ZNF484: variants seen among roughly 807,000 people sequenced by gnomAD.
ZNF484 encodes zinc finger protein 484, also known as KRAB box containing C2H2 type zinc finger bA526D8.4.
A neutral mutation model predicts 12.9 loss-of-function variants in ZNF484; 11 were observed. The observed-to-expected ratio is 0.85, with a 90% CI of 0.54 to 1.41. The LOEUF is 1.41. ZNF484 is among the 40% of genes most tolerant of loss of function. The pLI is 0.00. For synonymous variants in ZNF484, 289 were observed against 334.1 expected (o/e 0.86, Z 1.47); for missense variants, 807 against 1,007.7 (o/e 0.80, Z 2.70).
At position 92,875,003 on chromosome 9, in the gene ZNF484, A is replaced by G. The variant is rs764176594; in HGVS notation, c.15+12T>C. 5 of 1,613,790 alleles carry G rather than the reference A, an allele frequency of 3.1e-6. No homozygotes were observed. Among genetic ancestry groups the G allele is most frequent in the Non-Finnish European group, 4.2e-6 (5 of 1,179,886 alleles). ...AAGCAACAAATAAACAGATGAACAA[A>G]TAAGAACTCACCAGGGACTTGGTCA... On this transcript the variant is annotated intron_variant, in intron 2 of 4. Coordinates refer to ENST00000375495, the MANE Select transcript of ZNF484 (RefSeq NM_031486.4).
At chr9:92,863,946 G>A (rs1445359884) in intron 2 of ZNF484, among the ~76,000 whole-genome samples, 1 of 152,218 alleles carries the variant, frequency 6.6e-6, no homozygotes, top group Non-Finnish European at 1.5e-5. Context: ...AAAGTTACCA[G>A]CATTGAAGAA....
In ZNF484 at chr9:92,846,426, G is replaced by C; in HGVS notation, c.2361C>G (p.Ile787Met). 6.2e-7 allele frequency: 1 copy of C among 1,614,142 alleles called. No homozygotes were observed. Among genetic ancestry groups the C allele is most frequent in the African/African-American group, 1.3e-5 (1 of 75,046 alleles). The change falls in exon 5 of 5, where the codon ATC (isoleucine) becomes ATG (methionine). Residue 787 changes from isoleucine (I) to methionine (M), a missense_variant. Transcript: ENST00000375495. ...TCTGGTGTTTAATAAGATTTGATCT[G>C]ATGGTGAAGGCCTTTCCACACTCAG... ...ICAECGKAFT[I>M]RSNLIKHQKI...
intron 2 of ZNF484, among the ~76,000 whole-genome samples, chr9:92,874,498 GA>G (rs1387146850): frequency 6.6e-6 from 1 of 152,026 alleles, no homozygotes; most frequent in Non-Finnish European, 1.5e-5. Flanking sequence ...TTTTAGTGCA[GA>G]CGGGGTTTCA....
intron 2 of ZNF484, among the ~76,000 whole-genome samples, chr9:92,874,317 T>C (rs950117710): frequency 2.2e-4 from 33 of 150,224 alleles, no homozygotes; most frequent in African/African-American, 6.8e-4. Flanking sequence ...TTTCTTTTTT[T>C]TTTTTTTTTT....
At chr9:92,874,799 G>C (rs529453597) in intron 2 of ZNF484, among the ~76,000 whole-genome samples, 2 of 152,292 alleles carry the variant, frequency 1.3e-5, no homozygotes, top group African/African-American at 4.8e-5. Flanking sequence ...CTTTCAGGAA[G>C]ATCAGAGACA....
intron 4 of ZNF484, among the ~76,000 whole-genome samples, chr9:92,853,662 A>G (rs1319095394): frequency 6.6e-6 from 1 of 152,238 alleles, no homozygotes; most frequent in East Asian, 1.9e-4. Context: ...CTAAATGTCC[A>G]TGATAACTTC....
chr9:92,858,085 A>G lies in ZNF484; in HGVS notation c.16-1767T>C, dbSNP rs569128536. On this transcript the variant is annotated intron_variant, in intron 2 of 4. Coordinates refer to ENST00000375495, the MANE Select transcript of ZNF484 (RefSeq NM_031486.4). ...ACAAACAAAAAAATCCTACACATCC[A>G]AAAAGATAGGACCACATATCCAAAA... Among the ~76,000 whole-genome samples the G allele has an allele frequency of 1.6e-4, 24 of 152,348 alleles. No individual in the cohort carries two copies. In the East Asian group the frequency reaches 4.6e-3, roughly 29 times the overall value.
At chr9:92,851,666 A>ACACAT (rs546509684) in intron 4 of ZNF484, among the ~76,000 whole-genome samples, 15 of 152,238 alleles carry the variant, frequency 9.9e-5, no homozygotes, top group Non-Finnish European at 1.8e-4. Context: ...AGGGACTAAC[A>ACACAT]CACATCTTTC....
Position 92,848,805 on chromosome 9 carries a change from G to A in ZNF484, c.236-254C>T, listed in dbSNP as rs901689607. Among the ~76,000 whole-genome samples the A allele has an allele frequency of 5.9e-5, 9 of 151,952 alleles. No individual in the cohort carries two copies. The highest frequency in any genetic ancestry group is 1.2e-4 in the Non-Finnish European group (8 of 67,988). Reference sequence around the variant, plus strand: ...TGCCTGTAATTCCAGCTACTCAAGTGGCTGAGGCAAGAGAATGGCTTGATG... The same window carrying A: ...TGCCTGTAATTCCAGCTACTCAAGTAGCTGAGGCAAGAGAATGGCTTGATG... On this transcript the variant is annotated intron_variant, in intron 4 of 4. Coordinates refer to ENST00000375495, the MANE Select transcript of ZNF484 (RefSeq NM_031486.4). This position sits in a 1 kb window ranked among gnomAD's most constrained non-coding sequence, Gnocchi z 4.1.
rs763793166 is a variant in ZNF484, at chr9:92,846,880, T to C, written c.1907A>G (p.Tyr636Cys). 7 of 1,614,134 alleles carry C rather than the reference T, an allele frequency of 4.3e-6. No individual in the cohort carries two copies. Among genetic ancestry groups the C allele is most frequent in the Non-Finnish European group, 5.9e-6 (7 of 1,180,016 alleles). The stretch of plus-strand genomic sequence containing the variant: ...AGCCTTTCCACATTCAGCACACCTA[T>C]AGGGTTTCTCTCCTGTGTGAATCTG... ...HQQIHTGEKP[Y>C]RCAECGKAFT... The change falls in exon 5 of 5, where the codon TAT becomes TGT. Residue 636 changes from tyrosine (Y) to cysteine (C), a missense_variant. Transcript: ENST00000375495.
In ZNF484 at chr9:92,856,524, T is replaced by G. The variant is rs62572371; in HGVS notation, c.16-206A>C. Among the ~76,000 whole-genome samples the G allele has an allele frequency of 0.17, 25,887 of 152,110 alleles. 2,428 individuals carry two copies. Among genetic ancestry groups the G allele is most frequent in the East Asian group, 0.42 (2,189 of 5,182 alleles). On this transcript the variant is annotated intron_variant, in intron 2 of 4. Transcript: ENST00000375495. ...TAATTTTAAAAATGGGTAAAAAGCT[T>G]AAATAGACATTTCTGCAAGGAAGAT...
rs899646827 is a variant in ZNF484 at position 92,845,522 on chromosome 9, T to C, written c.*706A>G. ...TGGGAAAAAATTTTAGGATTTGATA[T>C]CCATTTTCTTAATTTGTCCTATTTT... On this transcript the variant is annotated 3_prime_UTR_variant, in exon 5 of 5. Coordinates refer to ENST00000375495, the MANE Select transcript of ZNF484 (RefSeq NM_031486.4). The surrounding 1 kb of genome is among the most constrained non-coding windows in gnomAD (Gnocchi z 4.0). The C allele has an allele frequency of 5.9e-5, 9 of 152,204 alleles. No homozygotes were observed. The highest frequency in any genetic ancestry group is 2.2e-4 in the African/African-American group (9 of 41,456). The allele number at this position is 152,204 out of a possible 1,614,324, so 9.4% of individuals were successfully genotyped here. A position where few individuals can be genotyped will look rare whatever the true frequency, so the allele number is the denominator to read the frequency against.
At chr9:92,858,740 G>T (rs1587745230) in intron 2 of ZNF484, among the ~76,000 whole-genome samples, 3 of 151,912 alleles carry the variant, frequency 2.0e-5, no homozygotes, top group East Asian at 1.9e-4. Flanking sequence ...AACAGTAAAA[G>T]AATTATAACA....
intron 2 of ZNF484, among the ~76,000 whole-genome samples, chr9:92,868,477 A>G (rs1857242235): frequency 6.6e-6 from 1 of 152,200 alleles, no homozygotes; most frequent in African/African-American, 2.4e-5. Flanking sequence ...GATTATAGAT[A>G]GCTGTCTTTG....
intron 4 of ZNF484, among the ~76,000 whole-genome samples, chr9:92,851,831 A>G (rs1381581271): frequency 6.6e-6 from 1 of 152,218 alleles, no homozygotes; most frequent in African/African-American, 2.4e-5. Context: ...AGCTAATTTC[A>G]AATTTCACCA....
In ZNF484 at chr9:92,847,179, C is replaced by T. The variant is rs1445416297; in HGVS notation, c.1608G>A (p.Lys536=). Residue 536 remains lysine (K), a synonymous_variant, in exon 5 of 5, where the codon AAG becomes AAA. Coordinates refer to ENST00000375495, the MANE Select transcript of ZNF484 (RefSeq NM_031486.4). Reference sequence around the variant, plus strand: ...ACTTCTGATGTATCCTGAGCCGAGACTTCCAGGTGAATGATTTTCCACAGT... The same window carrying T: ...ACTTCTGATGTATCCTGAGCCGAGATTTCCAGGTGAATGATTTTCCACAGT... The part of the protein sequence containing the change: ...CSDCGKSFTW[K]SRLRIHQKCH... 3.1e-6 allele frequency: 5 copies of T among 1,614,034 alleles called. No homozygotes were observed. Among genetic ancestry groups the T allele is most frequent in the Non-Finnish European group, 3.4e-6 (4 of 1,180,000 alleles).
Position 92,877,890 on chromosome 9 carries a change from C to G in ZNF484, c.-31G>C. The G allele has an allele frequency of 6.5e-7, 1 of 1,535,374 alleles. No individual in the cohort carries two copies. The highest frequency in any genetic ancestry group is 1.2e-5 in the South Asian group (1 of 84,052). On this transcript the variant is annotated splice_region_variant and 5_prime_UTR_variant, in exon 1 of 5. Coordinates refer to ENST00000375495, the MANE Select transcript of ZNF484 (RefSeq NM_031486.4). ...CAGATGCTGCCATCCCTCTACTCAC[C>G]TGCCCCTCACCCACGTCCTCTCAGG...
intron 4 of ZNF484, among the ~76,000 whole-genome samples, chr9:92,853,449 CCT>C (rs1357706185): frequency 3.3e-5 from 5 of 152,178 alleles, no homozygotes; most frequent in African/African-American, 9.7e-5. Flanking sequence ...TGGTCTTTCC[CCT>C]GAGTGCTGTA....
At chr9:92,864,234 G>A (rs756620705) in intron 2 of ZNF484, among the ~76,000 whole-genome samples, 2 of 152,094 alleles carry the variant, frequency 1.3e-5, no homozygotes, top group Non-Finnish European at 2.9e-5. Flanking sequence ...AATGTAACCA[G>A]GAAACTATAC....
Sources: gnomAD v4.1 joint callset for allele counts (sites outside exome capture counted in the v4.1 genomes callset) on GRCh38, gnomAD v4.1.1 for gene constraint, Gnocchi (gnomAD v3.1) non-coding constraint, MANE v1.5 for transcripts, NCBI Gene and HGNC (gene_info 2026-07-23, HGNC 2026-07-21) for gene names.